Variants in PPP2R5C observed in about 807,000 individuals in gnomAD.
PPP2R5C encodes serine/threonine-protein phosphatase 2A 56 kDa regulatory subunit gamma isoform.
In PPP2R5C, 7 loss-of-function variants were observed where a neutral mutation model predicts 68.9. That is an observed-to-expected ratio of 0.10 (90% confidence interval 0.06 to 0.19). The LOEUF (loss-of-function observed/expected upper bound fraction) is 0.19. Among genes scored for constraint, PPP2R5C ranks in the 10% least tolerant of loss-of-function variants. PPP2R5C has a pLI of 1.00. For missense variants in PPP2R5C, 348 were observed against 641.3 expected, an observed-to-expected ratio of 0.54 and a Z score of 4.94; for synonymous variants, 210 against 222.2, an observed-to-expected ratio of 0.95 and a Z score of 0.49.
chr14:101,773,111 G>T (rs1566824775), intron 2 of PPP2R5C, among the ~76,000 whole-genome samples: 1 of 152,212 alleles, frequency 6.6e-6, no homozygotes. Flanking sequence ...TTCATTCTGA[G>T]ACCTGGCATG....
rs1219265425 is a variant in PPP2R5C, at chr14:101,882,092, A to G, written c.295-69A>G. On this transcript the variant is annotated intron_variant, in intron 2 of 13. Coordinates refer to ENST00000334743, the Ensembl canonical transcript of PPP2R5C. The surrounding 1 kb of genome is among the most constrained non-coding windows in gnomAD (Gnocchi z 4.9). Reference sequence around the variant, plus strand: ...GCGGCTACTGTTAGAATTACCTAAGACTTTATAAAATGTTGTCTGTAAATA... The same window carrying G: ...GCGGCTACTGTTAGAATTACCTAAGGCTTTATAAAATGTTGTCTGTAAATA... 2 of 1,305,300 alleles carry G rather than the reference A, an allele frequency of 1.5e-6. No individual in the cohort carries two copies. The highest frequency in any genetic ancestry group is 2.1e-6 in the Non-Finnish European group (2 of 955,688). 80.9% of individuals were successfully genotyped at this position (1,305,300 alleles called of 1,614,324 possible).
At chr14:101,881,255 C>G (rs2044156029) in intron 2 of PPP2R5C, among the ~76,000 whole-genome samples, 2 of 151,952 alleles carry the variant, frequency 1.3e-5, no homozygotes, top group South Asian at 4.2e-4. Flanking sequence ...CAAAAATTAG[C>G]CAGGCATGGT....
At chr14:101,910,359 C>T (rs911119384) in intron 11 of PPP2R5C, among the ~76,000 whole-genome samples, 5 of 151,962 alleles carry the variant, frequency 3.3e-5, no homozygotes, top group East Asian at 3.9e-4. Context: ...AAGCTTTGCA[C>T]GAATGTAATT....
In PPP2R5C at chr14:101,761,929, G is replaced by A; in HGVS notation, c.27+9G>A. On this transcript the variant is annotated intron_variant, in intron 1 of 14. Coordinates refer to the PPP2R5C transcript ENST00000328724. ...AAAACAAGAAGGAGAAAGTGAGTCC[G>A]GGCCCGGCCGCGGGACGGAGGGAGC... 1 of 1,188,600 alleles carries A rather than the reference G, an allele frequency of 8.4e-7. No homozygotes were observed. Among genetic ancestry groups the A allele is most frequent in the Non-Finnish European group, 1.1e-6 (1 of 950,734 alleles). 73.6% of individuals were successfully genotyped at this position (1,188,600 alleles called of 1,614,324 possible).
intron 2 of PPP2R5C, among the ~76,000 whole-genome samples, chr14:101,863,899 CA>C (rs896359328): frequency 2.0e-5 from 3 of 150,972 alleles, no homozygotes; most frequent in African/African-American, 7.3e-5. Flanking sequence ...GACTCTGTCT[CA>C]AAAAAAAAGA....
At chr14:101,830,878 C>T (rs8016207) in intron 1 of PPP2R5C, among the ~76,000 whole-genome samples, 1 of 152,010 alleles carries the variant, frequency 6.6e-6, no homozygotes, top group African/African-American at 2.4e-5. Flanking sequence ...TGTCACTAAG[C>T]GGGTGAGAGG....
At chr14:101,900,943 G>T (rs1042936311) in intron 8 of PPP2R5C, among the ~76,000 whole-genome samples, 1 of 152,238 alleles carries the variant, frequency 6.6e-6, no homozygotes, top group Non-Finnish European at 1.5e-5. Context: ...ACAGGTGTGC[G>T]CACAGAGAGC....
exon 1 of PPP2R5C, chr14:101,809,951 A>T (rs746821631): frequency 6.2e-7 from 1 of 1,613,788 alleles, no homozygotes; most frequent in Admixed American, 1.7e-5. Context: ...AGATGTTGAC[A>T]TGTAATAAAG....
chr14:101,924,728 A>G (rs1370364250), intron 13 of PPP2R5C, among the ~76,000 whole-genome samples: 1 of 152,050 alleles, frequency 6.6e-6, no homozygotes, highest in Non-Finnish European at 1.5e-5. Context: ...GGCATGAGCC[A>G]CCGCACCCAG....
intron 1 of PPP2R5C, among the ~76,000 whole-genome samples, chr14:101,832,589 C>T (rs1305181348): frequency 2.6e-5 from 4 of 152,122 alleles, no homozygotes; most frequent in Non-Finnish European, 4.4e-5. Context: ...CCGAAGACAC[C>T]TTCCCATCTC....
At chr14:101,793,425 G>A (rs191573612) in intron 3 of PPP2R5C, among the ~76,000 whole-genome samples, 20 of 152,350 alleles carry the variant, frequency 1.3e-4, no homozygotes, top group Admixed American at 4.6e-4. Flanking sequence ...GAACTGGACT[G>A]CGTGGGTGTG....
At chr14:101,865,533 T>C (rs1445510549) in intron 2 of PPP2R5C, among the ~76,000 whole-genome samples, 2 of 152,196 alleles carry the variant, frequency 1.3e-5, no homozygotes, top group Admixed American at 1.3e-4. Context: ...GGAGCAAGAA[T>C]TCCCCAGAAG....
At chr14:101,839,898 G>A (rs1300446361) in intron 1 of PPP2R5C, among the ~76,000 whole-genome samples, 3 of 152,168 alleles carry the variant, frequency 2.0e-5, no homozygotes, top group East Asian at 1.9e-4. Flanking sequence ...GCACACACTC[G>A]GAGATGCCAG....
At chr14:101,806,131 G>A (rs1333765538), upstream of PPP2R5C, among the ~76,000 whole-genome samples, 2 of 152,058 alleles carry the variant, frequency 1.3e-5, no homozygotes, top group Non-Finnish European at 2.9e-5. Flanking sequence ...TGGGATACAT[G>A]TGTAGAACGT....
At chr14:101,823,481 A>T (rs2040210628) in intron 1 of PPP2R5C, among the ~76,000 whole-genome samples, 1 of 152,220 alleles carries the variant, frequency 6.6e-6, no homozygotes, top group Non-Finnish European at 1.5e-5. Context: ...TCTCCCCCAC[A>T]GCATGATAGA....
At chr14:101,761,039 G>T (rs2036490378), upstream of PPP2R5C, among the ~76,000 whole-genome samples, 2 of 129,572 alleles carry the variant, frequency 1.5e-5, no homozygotes, top group Non-Finnish European at 3.4e-5. Context: ...TGGTCGAGGG[G>T]AGGGGACGGA....
At chr14:101,779,927 G>A (rs894193347) in intron 2 of PPP2R5C, among the ~76,000 whole-genome samples, 11 of 152,152 alleles carry the variant, frequency 7.2e-5, no homozygotes, top group Non-Finnish European at 1.3e-4. Context: ...GTGTTCATTT[G>A]GACTATTTTC....
At chr14:101,842,913 T>C (rs957234114) in intron 1 of PPP2R5C, among the ~76,000 whole-genome samples, 1 of 151,634 alleles carries the variant, frequency 6.6e-6, no homozygotes, top group South Asian at 2.1e-4. Context: ...GAGAGTGGAG[T>C]TCCATCTTTA....
intron 13 of PPP2R5C, among the ~76,000 whole-genome samples, chr14:101,920,091 A>T (rs1197186042): frequency 6.6e-6 from 1 of 152,214 alleles, no homozygotes; most frequent in African/African-American, 2.4e-5. Context: ...AGAATAAACT[A>T]GGTCCAAAAT....
Sources: allele counts gnomAD v4.1 joint callset (sites outside exome capture counted in the v4.1 genomes callset), GRCh38; gene constraint gnomAD v4.1.1; non-coding constraint Gnocchi (gnomAD v3.1); transcripts MANE v1.5; gene names NCBI Gene and HGNC (gene_info 2026-07-23, HGNC 2026-07-21).